ZNF503: variants seen among roughly 807,000 people sequenced by gnomAD.
ZNF503 encodes NocA-like zinc finger 2.
In ZNF503, 15 loss-of-function variants were observed where a neutral mutation model predicts 34.4. The ratio of observed to expected loss-of-function variants is 0.44; its 90% CI spans 0.29 to 0.67. The LOEUF is 0.67. Ranked by LOEUF, ZNF503 falls within the 30% of genes least tolerant of loss-of-function variation. The probability of loss-of-function intolerance (pLI) is 0.13; values close to 1 mark genes in which losing one functional copy is unlikely to be tolerated. For missense variants in ZNF503, 1,007 were observed against 926.8 expected (o/e 1.09, Z -1.12); for synonymous variants, 580 against 456.8 (o/e 1.27, Z -3.44).
chr10:75,364,022 T>A, the ZNF503 span, among the ~76,000 whole-genome samples: 16 of 152,374 alleles, frequency 1.1e-4, no homozygotes, highest in Non-Finnish European at 1.9e-4. Flanking sequence ...AGCATTCCAC[T>A]TTTTCATTAT....
the ZNF503 span, among the ~76,000 whole-genome samples, chr10:75,353,018 G>A: frequency 2.0e-5 from 3 of 152,200 alleles, no homozygotes; most frequent in Non-Finnish European, 4.4e-5. Flanking sequence ...TCCCGAGGGG[G>A]GGCACCTCTG....
chr10:75,343,426 G>A, the ZNF503 span: 1 of 152,298 alleles, frequency 6.6e-6, no homozygotes, highest in Non-Finnish European at 1.5e-5. Flanking sequence ...GTGTTGTGGA[G>A]GAACCGAGGG....
At chr10:75,290,599 G>A in the ZNF503 span, among the ~76,000 whole-genome samples, 1 of 152,252 alleles carries the variant, frequency 6.6e-6, no homozygotes, top group Admixed American at 6.5e-5. Context: ...TCTTCATGGA[G>A]AGAGGCAAGG....
the ZNF503 span, among the ~76,000 whole-genome samples, chr10:75,319,487 C>T: frequency 2.0e-5 from 3 of 151,994 alleles, no homozygotes; most frequent in African/African-American, 7.3e-5. Flanking sequence ...ACTAAAAAAG[C>T]TATACAAAGA....
the ZNF503 span, among the ~76,000 whole-genome samples, chr10:75,314,752 G>T: frequency 2.0e-5 from 3 of 152,204 alleles, no homozygotes; most frequent in Non-Finnish European, 4.4e-5. Context: ...GGAGAAAGTG[G>T]AATAATATAT....
At chr10:75,322,639 G>A in the ZNF503 span, among the ~76,000 whole-genome samples, 1 of 152,048 alleles carries the variant, frequency 6.6e-6, no homozygotes, top group South Asian at 2.1e-4. Context: ...AGACCAGCCT[G>A]CGCAACATGG....
the ZNF503 span, among the ~76,000 whole-genome samples, chr10:75,322,628 G>C: frequency 9.2e-5 from 14 of 152,108 alleles, no homozygotes; most frequent in Admixed American, 7.2e-4. Flanking sequence ...CCAGGAGTTG[G>C]AGACCAGCCT....
downstream of ZNF503, among the ~76,000 whole-genome samples, chr10:75,394,742 G>A (rs1168211617): frequency 6.6e-6 from 1 of 152,222 alleles, no homozygotes; most frequent in Non-Finnish European, 1.5e-5. Flanking sequence ...GTGGAAGTAG[G>A]AGTGAAAGTG....
the ZNF503 span, among the ~76,000 whole-genome samples, chr10:75,303,629 G>C: frequency 6.6e-6 from 1 of 152,098 alleles, no homozygotes; most frequent in African/African-American, 2.4e-5. Context: ...GTTGAATATA[G>C]GTTCTACACT....
At chr10:75,370,340 A>T in the ZNF503 span, among the ~76,000 whole-genome samples, 60 of 152,218 alleles carry the variant, frequency 3.9e-4, no homozygotes, top group Admixed American at 7.8e-4. Flanking sequence ...CAGCAAGACA[A>T]TAATTTTTCT....
At chr10:75,395,298 G>A (rs1177712206), downstream of ZNF503, among the ~76,000 whole-genome samples, 1 of 152,230 alleles carries the variant, frequency 6.6e-6, no homozygotes, top group Non-Finnish European at 1.5e-5. This position sits in a 1 kb window ranked among gnomAD's most constrained non-coding sequence, Gnocchi z 4.4. Context: ...GGAGCGGGTG[G>A]AGAAGAGCAG....
At chr10:75,346,927 C>T in the ZNF503 span, among the ~76,000 whole-genome samples, 3 of 152,016 alleles carry the variant, frequency 2.0e-5, no homozygotes, top group Admixed American at 1.3e-4. Context: ...GGATTACAGG[C>T]GTTAGCTGCC....
At chr10:75,359,457 G>A in the ZNF503 span, among the ~76,000 whole-genome samples, 2 of 152,182 alleles carry the variant, frequency 1.3e-5, no homozygotes, top group Non-Finnish European at 1.5e-5. Context: ...CACAAATAAC[G>A]CAGATTTGGG....
At chr10:75,339,514 T>G in the ZNF503 span, among the ~76,000 whole-genome samples, 2 of 152,260 alleles carry the variant, frequency 1.3e-5, no homozygotes, top group South Asian at 4.1e-4. Flanking sequence ...AGAAAACTGC[T>G]TGTTGTATGC....
the ZNF503 span, among the ~76,000 whole-genome samples, chr10:75,327,531 G>A: frequency 2.6e-5 from 4 of 151,942 alleles, no homozygotes; most frequent in African/African-American, 9.7e-5. Flanking sequence ...TATATATCTT[G>A]GCCATTGTGA....
chr10:75,292,004 C>T, the ZNF503 span, among the ~76,000 whole-genome samples: 3 of 152,138 alleles, frequency 2.0e-5, no homozygotes, highest in Admixed American at 1.3e-4. Flanking sequence ...ACAAACCACA[C>T]GGATAGGGAA....
At chr10:75,300,642 C>G in the ZNF503 span, among the ~76,000 whole-genome samples, 3 of 152,076 alleles carry the variant, frequency 2.0e-5, no homozygotes, top group Non-Finnish European at 4.4e-5. Context: ...TGGCTTCAGC[C>G]AGTCCCTCCG....
At chr10:75,354,350 C>G in the ZNF503 span, among the ~76,000 whole-genome samples, 5 of 152,074 alleles carry the variant, frequency 3.3e-5, no homozygotes, top group African/African-American at 1.2e-4. Flanking sequence ...TGGACAAAGT[C>G]GTAGAAAAAC....
At chr10:75,383,678 G>C in the ZNF503 span, among the ~76,000 whole-genome samples, 1 of 152,194 alleles carries the variant, frequency 6.6e-6, no homozygotes, top group Non-Finnish European at 1.5e-5. Context: ...CCCTTGGCCA[G>C]GTGCTCAGAT....
Sources: allele counts gnomAD v4.1 joint callset (sites outside exome capture counted in the v4.1 genomes callset), GRCh38; gene constraint gnomAD v4.1.1; non-coding constraint Gnocchi (gnomAD v3.1); transcripts MANE v1.5; gene names NCBI Gene and HGNC (gene_info 2026-07-23, HGNC 2026-07-21).